OTUD3: variants seen among roughly 807,000 people sequenced by gnomAD.
OTUD3 encodes OTU domain-containing protein 3.
In OTUD3, 24 loss-of-function variants were observed where a neutral mutation model predicts 46.2. The ratio of observed to expected loss-of-function variants is 0.52; its 90% CI spans 0.38 to 0.73. OTUD3 has a LOEUF of 0.73. OTUD3 is among the 30% of genes least tolerant of loss of function. The pLI, the probability that OTUD3 is intolerant of heterozygous loss-of-function variation, is 0.00. For missense variants in OTUD3, 455 were observed against 523.3 expected, an observed-to-expected ratio of 0.87 and a Z score of 1.27; for synonymous variants, 189 against 195.4, an observed-to-expected ratio of 0.97 and a Z score of 0.27.
rs1002781129 is a variant in OTUD3 at position 19,908,044 on chromosome 1, T to C, written c.*298T>C. ...GGAAAAACCTTTTAAGTGGTGGCTTTATTTGCCCTGAAAATCAGACTTCAG... is the reference window on the plus strand; with the variant it reads ...GGAAAAACCTTTTAAGTGGTGGCTTCATTTGCCCTGAAAATCAGACTTCAG... On this transcript the variant is annotated 3_prime_UTR_variant, in exon 8 of 8. Transcript: ENST00000375120. The C allele has an allele frequency of 8.5e-6, 2 of 235,728 alleles. No individual in the cohort carries two copies. The highest frequency in any genetic ancestry group is 2.4e-4 in the South Asian group (2 of 8,232). 14.6% of individuals were successfully genotyped at this position (235,728 alleles called of 1,614,324 possible). A position where few individuals can be genotyped will look rare whatever the true frequency, so the allele number is the denominator to read the frequency against.
At chr1:19,884,550 TAAA>T (rs1376553214) in intron 1 of OTUD3, among the ~76,000 whole-genome samples, 2 of 152,220 alleles carry the variant, frequency 1.3e-5, no homozygotes, top group Non-Finnish European at 2.9e-5. Context: ...TTGGCATTCT[TAAA>T]AATTACTGAG....
At chr1:19,899,732 T>C (rs941651688) in intron 4 of OTUD3, among the ~76,000 whole-genome samples, 1 of 152,260 alleles carries the variant, frequency 6.6e-6, no homozygotes, top group Non-Finnish European at 1.5e-5. Flanking sequence ...GCTCTTTTCC[T>C]GCACGGTGCA....
rs966393183 is a variant in OTUD3 at position 19,912,915 on chromosome 1, G to T, written c.*5169G>T. The T allele has an allele frequency of 6.6e-6, 1 of 152,252 alleles. No homozygotes were observed. Among genetic ancestry groups the T allele is most frequent in the African/African-American group, 2.4e-5 (1 of 41,392 alleles). 9.4% of individuals were successfully genotyped at this position (152,252 alleles called of 1,614,324 possible). A position where few individuals can be genotyped will look rare whatever the true frequency, so the allele number is the denominator to read the frequency against. ...CACTTTATCTATGAAATGGAGTTTT[G>T]TATACCAATAAATTCTAGTTTAAAA... is the stretch of plus-strand genomic sequence containing the variant. On this transcript the variant is annotated 3_prime_UTR_variant, in exon 8 of 8. Coordinates refer to ENST00000375120, the MANE Select transcript of OTUD3 (RefSeq NM_015207.2).
Position 19,912,677 on chromosome 1 carries a change from G to A in OTUD3, c.*4931G>A, listed in dbSNP as rs2045747682. 2.0e-5 allele frequency: 3 copies of A among 152,348 alleles called. No individual in the cohort carries two copies. The highest frequency in any genetic ancestry group is 4.1e-4 in the South Asian group (2 of 4,832). 9.4% of individuals were successfully genotyped at this position (152,348 alleles called of 1,614,324 possible). Reference sequence around the variant, plus strand: ...TAGCAAGTCTTGCCTTATCTATGGAGCTCGATGGTGAGAATTGTGACCATT... The same window carrying A: ...TAGCAAGTCTTGCCTTATCTATGGAACTCGATGGTGAGAATTGTGACCATT... On this transcript the variant is annotated 3_prime_UTR_variant, in exon 8 of 8. Transcript: ENST00000375120.
chr1:19,900,005 C>G (rs921370476), intron 4 of OTUD3, among the ~76,000 whole-genome samples: 4 of 152,044 alleles, frequency 2.6e-5, no homozygotes, highest in African/African-American at 9.7e-5. Flanking sequence ...TAGTTTTTCG[C>G]ACTCTGTCAT....
rs779464180 is a variant in OTUD3 at position 19,907,553 on chromosome 1, A to G, written c.1021-17A>G. 16 of 1,613,066 alleles carry G rather than the reference A, an allele frequency of 9.9e-6. No homozygotes were observed. The highest frequency in any genetic ancestry group is 5.3e-5 in the African/African-American group (4 of 74,888). ...TCCCCCGTGCTTCCTACTCACCACC[A>G]TGGCCTTCTCTCTCAGGTCACAAAC... On this transcript the variant is annotated splice_polypyrimidine_tract_variant and intron_variant, in intron 7 of 7. Coordinates refer to ENST00000375120, the MANE Select transcript of OTUD3 (RefSeq NM_015207.2).
In OTUD3 at chr1:19,908,868, AGTT is replaced by A. The variant is rs1424566405; in HGVS notation, c.*1127_*1129del. ...TGGGAAAACTCCAGCATCTGCTGGA[AGTT>A]GTTGGACCAGCAGGGTTGGTTGACT... On this transcript the variant is annotated 3_prime_UTR_variant, in exon 8 of 8. Transcript: ENST00000375120. The A allele has an allele frequency of 3.3e-5, 5 of 152,334 alleles. No individual in the cohort carries two copies. The highest frequency in any genetic ancestry group is 1.2e-4 in the African/African-American group (5 of 41,454). The allele number at this position is 152,334 out of a possible 1,614,324, so 9.4% of individuals were successfully genotyped here. A position where few individuals can be genotyped will look rare whatever the true frequency, so the allele number is the denominator to read the frequency against.
At chr1:19,895,951 A>T (rs1179064002) in intron 3 of OTUD3, among the ~76,000 whole-genome samples, 1 of 152,152 alleles carries the variant, frequency 6.6e-6, no homozygotes, top group Non-Finnish European at 1.5e-5. Flanking sequence ...TTACCTAGGT[A>T]GTTGTGGAAG....
chr1:19,882,661 G>C lies in OTUD3; in HGVS notation c.148G>C (p.Glu50Gln). 1 of 1,460,024 alleles carries C rather than the reference G, an allele frequency of 6.8e-7. No homozygotes were observed. Among genetic ancestry groups the C allele is most frequent in the Non-Finnish European group, 9.0e-7 (1 of 1,107,894 alleles). The allele number at this position is 1,460,024 out of a possible 1,614,324, so 90.4% of individuals were successfully genotyped here. The change falls in exon 1 of 8, where the codon GAG becomes CAG. Residue 50 changes from glutamate (E) to glutamine (Q), a missense_variant. Transcript: ENST00000375120. The part of the protein sequence containing the change: ...RPESGGGGGC[E>Q]EEFVSFANQL... ...GGAGTCTGGCGGCGGCGGCGGCTGCGAGGAGGAGTTCGTCAGCTTCGCCAA... is the reference window on the plus strand; with the variant it reads ...GGAGTCTGGCGGCGGCGGCGGCTGCCAGGAGGAGTTCGTCAGCTTCGCCAA...
chr1:19,912,041 C>CAGAATTA lies in OTUD3; in HGVS notation c.*4296_*4302dup. The CAGAATTA allele has an allele frequency of 6.6e-6, 1 of 152,474 alleles. No individual in the cohort carries two copies. Among genetic ancestry groups the CAGAATTA allele is most frequent in the East Asian group, 1.9e-4 (1 of 5,320 alleles). The allele number at this position is 152,474 out of a possible 1,614,324, so 9.4% of individuals were successfully genotyped here. ...TCCATGAAAATGTTTAGCATCCTTG[C>CAGAATTA]AGAATTACTTGAGAAGGGGCTGGTA... is the stretch of plus-strand genomic sequence containing the variant. On this transcript the variant is annotated 3_prime_UTR_variant, in exon 8 of 8. Coordinates refer to ENST00000375120, the MANE Select transcript of OTUD3 (RefSeq NM_015207.2).
Position 19,907,873 on chromosome 1 carries a change from C to A in OTUD3, c.*127C>A. 1.3e-6 allele frequency: 1 copy of A among 784,052 alleles called. No individual in the cohort carries two copies. The highest frequency in any genetic ancestry group is 2.0e-6 in the Non-Finnish European group (1 of 504,286). The allele number at this position is 784,052 out of a possible 1,614,324, so 48.6% of individuals were successfully genotyped here. A position where few individuals can be genotyped will look rare whatever the true frequency, so the allele number is the denominator to read the frequency against. ...CGAAGCCCACACATGAGCTCACACA[C>A]TGAGTTAGTTTCGTTCAAGCTGCCT... On this transcript the variant is annotated 3_prime_UTR_variant, in exon 8 of 8. Coordinates refer to ENST00000375120, the MANE Select transcript of OTUD3 (RefSeq NM_015207.2).
At chr1:19,884,288 A>C (rs1412241126) in intron 1 of OTUD3, among the ~76,000 whole-genome samples, 1 of 152,228 alleles carries the variant, frequency 6.6e-6, no homozygotes, top group Non-Finnish European at 1.5e-5. Context: ...AAGGTTACTT[A>C]TGAGGAGGAA....
intron 4 of OTUD3, among the ~76,000 whole-genome samples, chr1:19,898,564 A>T (rs1571174655): frequency 6.6e-6 from 1 of 151,836 alleles, no homozygotes; most frequent in East Asian, 2.0e-4. Context: ...CTCCATCTCT[A>T]CTAAAAATAC....
intron 6 of OTUD3, among the ~76,000 whole-genome samples, chr1:19,905,215 C>T (rs1236933732): frequency 6.6e-6 from 1 of 151,874 alleles, no homozygotes; most frequent in East Asian, 1.9e-4. Context: ...TAAACTGGTG[C>T]GATAGTACAT....
chr1:19,908,772 T>C lies in OTUD3; in HGVS notation c.*1026T>C, dbSNP rs2045698970. The C allele has an allele frequency of 6.6e-6, 1 of 152,404 alleles. No individual in the cohort carries two copies. The highest frequency in any genetic ancestry group is 2.1e-4 in the South Asian group (1 of 4,834). 9.4% of individuals were successfully genotyped at this position (152,404 alleles called of 1,614,324 possible). On this transcript the variant is annotated 3_prime_UTR_variant, in exon 8 of 8. Transcript: ENST00000375120. Reference sequence around the variant, plus strand: ...CCTTATAGGTCGCTAAACTTAGTATTGTGGAAATTAAATCTTATAAAATGC... The same window carrying C: ...CCTTATAGGTCGCTAAACTTAGTATCGTGGAAATTAAATCTTATAAAATGC...
Position 19,882,435 on chromosome 1 carries a change from T to C in OTUD3, c.-79T>C. The C allele has an allele frequency of 7.6e-7, 1 of 1,309,446 alleles. No individual in the cohort carries two copies. 81.1% of individuals were successfully genotyped at this position (1,309,446 alleles called of 1,614,324 possible). A position where few individuals can be genotyped will look rare whatever the true frequency, so the allele number is the denominator to read the frequency against. ...CCGGGCTCCGTTGCCCGCGCTGTTT[T>C]ACCTTCCCAACGCTTGAGGCGGACG... On this transcript the variant is annotated 5_prime_UTR_variant, in exon 1 of 8. Transcript: ENST00000375120.
At chr1:19,895,256 C>A (rs940984698) in intron 3 of OTUD3, among the ~76,000 whole-genome samples, 4 of 152,136 alleles carry the variant, frequency 2.6e-5, no homozygotes, top group Non-Finnish European at 5.9e-5. Flanking sequence ...TCAGTCATAG[C>A]CTTTGCTGAT....
chr1:19,896,878 T>G (rs1374192684), intron 3 of OTUD3, among the ~76,000 whole-genome samples: 1 of 152,222 alleles, frequency 6.6e-6, no homozygotes, highest in Non-Finnish European at 1.5e-5. Flanking sequence ...ACCTTGTGGG[T>G]GGCGCCTGCA....
chr1:19,890,533 G>A lies in OTUD3; in HGVS notation c.370G>A (p.Val124Met), dbSNP rs1472289671. The change falls in exon 2 of 8, where the codon GTG becomes ATG. Residue 124 changes from valine (V) to methionine (M), a missense_variant and splice_region_variant. Coordinates refer to ENST00000375120, the MANE Select transcript of OTUD3 (RefSeq NM_015207.2). ...AGATGACATTCCTTTTGAGAAGCAT[G>A]GTAGGTTCACTGTGGGACATTGTGT... is the stretch of plus-strand genomic sequence containing the variant. Reference protein sequence around the residue: ...VEDDIPFEKHVASLAKPGTFA... With the variant: ...VEDDIPFEKHMASLAKPGTFA... 5 of 1,613,592 alleles carry A rather than the reference G, an allele frequency of 3.1e-6. No homozygotes were observed. In the African/African-American group the frequency reaches 6.7e-5, roughly 22 times the overall value.
Sources: gnomAD v4.1 joint callset for allele counts (sites outside exome capture counted in the v4.1 genomes callset) on GRCh38, gnomAD v4.1.1 for gene constraint, MANE v1.5 for transcripts, NCBI Gene and HGNC (gene_info 2026-07-23, HGNC 2026-07-21) for gene names.